MAK16: variants seen among roughly 807,000 people sequenced by gnomAD.
MAK16 encodes the protein MAK16 homolog, also known as protein MAK16 homolog.
In MAK16, 12 loss-of-function variants were observed where a neutral mutation model predicts 49.9. The observed-to-expected ratio is 0.24, with a 90% CI of 0.15 to 0.39. The LOEUF (loss-of-function observed/expected upper bound fraction) is 0.39. Ranked by LOEUF, MAK16 falls within the 10% of genes least tolerant of loss-of-function variation. The pLI, the probability that MAK16 is intolerant of heterozygous loss-of-function variation, is 1.00. For synonymous variants in MAK16, 115 were observed against 126.4 expected (o/e 0.91, Z 0.60); for missense variants, 292 against 363.7 (o/e 0.80, Z 1.60).
In MAK16 at chr8:33,499,046, A is replaced by G; in HGVS notation, c.*417A>G. The G allele has an allele frequency of 1.3e-6, 1 of 792,270 alleles. No homozygotes were observed. The allele number at this position is 792,270 out of a possible 1,614,324, so 49.1% of individuals were successfully genotyped here. On this transcript the variant is annotated 3_prime_UTR_variant, in exon 10 of 10. Coordinates refer to ENST00000360128, the MANE Select transcript of MAK16 (RefSeq NM_032509.4). Reference sequence around the variant, plus strand: ...ATTCTTATGGAGGTAAAAGGAAAGGAAGGAAGGAAAAAGCAGCTTTCACTT... The same window carrying G: ...ATTCTTATGGAGGTAAAAGGAAAGGGAGGAAGGAAAAAGCAGCTTTCACTT...
Position 33,495,397 on chromosome 8 carries a change from G to A in MAK16, c.448-145G>A, listed in dbSNP as rs959911081. The stretch of plus-strand genomic sequence containing the variant: ...AGAGAAAGAAGAAGAAATCTATCTC[G>A]TTGGAAAGGCAAAAGCCAGTATTAG... On this transcript the variant is annotated intron_variant, in intron 6 of 9. Transcript: ENST00000360128. 8.0e-5 allele frequency: 52 copies of A among 652,078 alleles called. No homozygotes were observed. In the South Asian group the frequency reaches 8.3e-4, roughly 10 times the overall value. 40.4% of individuals were successfully genotyped at this position (652,078 alleles called of 1,614,324 possible). A position where few individuals can be genotyped will look rare whatever the true frequency, so the allele number is the denominator to read the frequency against.
chr8:33,494,005 T>G (rs1455919887), intron 6 of MAK16, among the ~76,000 whole-genome samples: 1 of 152,236 alleles, frequency 6.6e-6, no homozygotes, highest in Admixed American at 6.5e-5. Flanking sequence ...CGTATTTATT[T>G]TTAAAAATGT....
rs780917408 is a variant in MAK16, at chr8:33,498,756, T to A, written c.*127T>A. The A allele has an allele frequency of 2.2e-5, 18 of 808,850 alleles. No homozygotes were observed. Among genetic ancestry groups the A allele is most frequent in the Non-Finnish European group, 3.1e-5 (16 of 517,390 alleles). 50.1% of individuals were successfully genotyped at this position (808,850 alleles called of 1,614,324 possible). ...TTGTACTGAACACAATATTTGTGTT[T>A]TTATTATTTATGCCACGTCAGTGGG... On this transcript the variant is annotated 3_prime_UTR_variant, in exon 10 of 10. Coordinates refer to ENST00000360128, the MANE Select transcript of MAK16 (RefSeq NM_032509.4).
intron 7 of MAK16, 125 bp from the exon 8 acceptor site, chr8:33,496,500 A>G (rs1279980631): frequency 1.6e-6 from 1 of 643,936 alleles, no homozygotes; most frequent in Non-Finnish European, 2.6e-6. Flanking sequence ...ACTTAAAAAT[A>G]TTACTCATCA....
chr8:33,500,498 C>A lies in MAK16; in HGVS notation c.*1869C>A. 1 of 1,613,838 alleles carries A rather than the reference C, an allele frequency of 6.2e-7. No individual in the cohort carries two copies. The highest frequency in any genetic ancestry group is 8.5e-7 in the Non-Finnish European group (1 of 1,179,942). On this transcript the variant is annotated 3_prime_UTR_variant, in exon 10 of 10. Coordinates refer to ENST00000360128, the MANE Select transcript of MAK16 (RefSeq NM_032509.4). ...ACAAGTCTGCAGGAAACTCTGGAAT[C>A]AGGAAGAAAAGCTATGTTCATACTC...
intron 9 of MAK16, 21 bp from the exon 10 acceptor site, chr8:33,498,411 T>C: frequency 6.2e-7 from 1 of 1,610,864 alleles, no homozygotes; most frequent in South Asian, 1.1e-5. Context: ...TCTTCCTTTA[T>C]CTTTTCTCTC....
intron 3 of MAK16, 43 bp from the exon 4 acceptor site, chr8:33,488,691 A>C: frequency 1.2e-6 from 2 of 1,611,700 alleles, no homozygotes; most frequent in Non-Finnish European, 1.7e-6. Flanking sequence ...GATGTTCTTT[A>C]GTTTCTGTAA....
At chr8:33,490,935 T>C (rs772439161) in intron 6 of MAK16, among the ~76,000 whole-genome samples, 3 of 152,172 alleles carry the variant, frequency 2.0e-5, no homozygotes, top group Non-Finnish European at 4.4e-5. Flanking sequence ...CCCACCCCCA[T>C]TACCCTTCCC....
chr8:33,496,910 A>ATTTATTAAG (rs1296150645), intron 8 of MAK16, among the ~76,000 whole-genome samples, 169 bp downstream of exon 8: 10 of 152,324 alleles, frequency 6.6e-5, no homozygotes, highest in Non-Finnish European at 2.9e-5. Flanking sequence ...CTAACCAACA[A>ATTTATTAAG]ACCATTAACA....
chr8:33,491,081 C>T (rs528023811), intron 6 of MAK16, among the ~76,000 whole-genome samples: 6 of 152,188 alleles, frequency 3.9e-5, no homozygotes, highest in Non-Finnish European at 7.3e-5. Flanking sequence ...TAATGACCTC[C>T]GGTTCCATCC....
At chr8:33,490,635 A>G (rs1323705863) in intron 6 of MAK16, among the ~76,000 whole-genome samples, 1 of 152,174 alleles carries the variant, frequency 6.6e-6, no homozygotes, top group Non-Finnish European at 1.5e-5. Context: ...GATGTTGCAT[A>G]TTTTACATAC....
At chr8:33,495,323 A>C (rs7832944) in intron 6 of MAK16, among the ~76,000 whole-genome samples, 80,673 of 152,078 alleles carry the variant, frequency 0.53, 21,823 homozygotes, top group Non-Finnish European at 0.59. Flanking sequence ...AATGTTGTTT[A>C]CAAAACCATA....
chr8:33,487,633 G>T (rs1808708883), intron 1 of MAK16, among the ~76,000 whole-genome samples: 1 of 152,056 alleles, frequency 6.6e-6, no homozygotes, highest in Non-Finnish European at 1.5e-5. Context: ...ATGTTGGCCA[G>T]GCTGGCCTCA....
At position 33,499,010 on chromosome 8, in the gene MAK16, C is replaced by T; in HGVS notation, c.*381C>T. The T allele has an allele frequency of 1.6e-6, 1 of 641,948 alleles. No homozygotes were observed. The highest frequency in any genetic ancestry group is 2.7e-6 in the Non-Finnish European group (1 of 372,346). 39.8% of individuals were successfully genotyped at this position (641,948 alleles called of 1,614,324 possible). ...GGAAGGAGTTCAATTTTTTCTTGTT[C>T]TACTTTCCCTATTCTTATGGAGGTA... On this transcript the variant is annotated 3_prime_UTR_variant, in exon 10 of 10. Coordinates refer to ENST00000360128, the MANE Select transcript of MAK16 (RefSeq NM_032509.4).
chr8:33,494,887 T>C (rs574695138), intron 6 of MAK16, among the ~76,000 whole-genome samples: 82 of 152,210 alleles, frequency 5.4e-4, no homozygotes, highest in African/African-American at 1.8e-3. Flanking sequence ...CACACCATTC[T>C]CCTGCCTCAG....
chr8:33,491,782 T>C (rs1459491427), intron 6 of MAK16, among the ~76,000 whole-genome samples: 1 of 148,502 alleles, frequency 6.7e-6, no homozygotes, highest in East Asian at 2.1e-4. Context: ...TACAGGTGCA[T>C]GCCACCATGC....
At chr8:33,497,359 A>G in intron 9 of MAK16, 62 bp downstream of exon 9, 1 of 1,171,724 alleles carries the variant, frequency 8.5e-7, no homozygotes, top group Non-Finnish European at 1.2e-6. Context: ...AAAAAACAAA[A>G]ACAGGGAGGT....
In MAK16 at chr8:33,500,424, A is replaced by T; in HGVS notation, c.*1795A>T. 1 of 1,614,106 alleles carries T rather than the reference A, an allele frequency of 6.2e-7. No homozygotes were observed. Among genetic ancestry groups the T allele is most frequent in the Non-Finnish European group, 8.5e-7 (1 of 1,180,020 alleles). On this transcript the variant is annotated 3_prime_UTR_variant, in exon 10 of 10. Transcript: ENST00000360128. ...TAACAGACTCAGGTGTAAGGTTTGG[A>T]TCCCTTGCTACATCACAAATCAGTT...
chr8:33,485,184 T>C lies in MAK16; in HGVS notation c.-23T>C. 1 of 1,614,096 alleles carries C rather than the reference T, an allele frequency of 6.2e-7. No homozygotes were observed. Among genetic ancestry groups the C allele is most frequent in the Non-Finnish European group, 8.5e-7 (1 of 1,180,016 alleles). On this transcript the variant is annotated 5_prime_UTR_variant, in exon 1 of 10. Transcript: ENST00000360128. ...TCTGCGCCCGCGATCCGACCGGAAG[T>C]TGCACGCTGAGCCGCGGACACCATG...
Sources: gnomAD v4.1 joint callset for allele counts (sites outside exome capture counted in the v4.1 genomes callset) on GRCh38, gnomAD v4.1.1 for gene constraint, MANE v1.5 for transcripts, NCBI Gene and HGNC (gene_info 2026-07-23, HGNC 2026-07-21) for gene names.